RSPRY1: variants seen among roughly 807,000 people sequenced by gnomAD.
RSPRY1 encodes RING finger and SPRY domain-containing protein 1.
In RSPRY1, 23 loss-of-function variants were observed where a neutral mutation model predicts 73.1. That is an observed-to-expected ratio of 0.31 (90% confidence interval 0.23 to 0.45). The LOEUF (loss-of-function observed/expected upper bound fraction) is 0.45. RSPRY1 is among the 20% of genes least tolerant of loss of function. RSPRY1 has a pLI of 1.00. For missense variants in RSPRY1, 448 were observed against 698.7 expected (o/e 0.64, Z 4.05); for synonymous variants, 226 against 251.4 (o/e 0.90, Z 0.95).
At chr16:57,201,732 G>A (rs4330777) in intron 1 of RSPRY1, among the ~76,000 whole-genome samples, 68,439 of 151,848 alleles carry the variant, frequency 0.45, 15,537 homozygotes, top group Non-Finnish European at 0.48. Flanking sequence ...CAAGGCTGGC[G>A]GATCACTCGC....
Position 57,239,185 on chromosome 16 carries a change from C to A in RSPRY1, c.*210C>A. 1 of 308,782 alleles carries A rather than the reference C, an allele frequency of 3.2e-6. No homozygotes were observed. The highest frequency in any genetic ancestry group is 2.2e-5 in the African/African-American group (1 of 45,700). 19.1% of individuals were successfully genotyped at this position (308,782 alleles called of 1,614,324 possible). On this transcript the variant is annotated 3_prime_UTR_variant, in exon 15 of 15. Transcript: ENST00000394420. ...AGCCCTGAGAAAATCCCTTTTAAGG[C>A]CAAGGAAAGCTGAATGCTAGCAGCC...
rs1458573329 is a variant in RSPRY1, at chr16:57,216,084, TTTTATC to T, written c.703-19_703-14del. 1 of 1,558,686 alleles carries T rather than the reference TTTTATC, an allele frequency of 6.4e-7. No individual in the cohort carries two copies. The highest frequency in any genetic ancestry group is 8.7e-7 in the Non-Finnish European group (1 of 1,148,038). ...CAGGGGAATGATTTTTTTTTTTTTT[TTTTATC>T]TTTTGTTGTTTTTCAGAAGTTACAG... On this transcript the variant is annotated splice_polypyrimidine_tract_variant and intron_variant, in intron 6 of 14. Coordinates refer to ENST00000394420, the MANE Select transcript of RSPRY1 (RefSeq NM_133368.3).
At chr16:57,230,644 A>G in intron 11 of RSPRY1, 67 bp from the exon 12 acceptor site, 1 of 864,018 alleles carries the variant, frequency 1.2e-6, no homozygotes, top group Non-Finnish European at 1.9e-6. Context: ...GAAACACTTG[A>G]GATGCTTAGC....
chr16:57,205,596 A>G (rs529234288), intron 2 of RSPRY1, among the ~76,000 whole-genome samples: 1 of 152,364 alleles, frequency 6.6e-6, no homozygotes, highest in East Asian at 1.9e-4. Flanking sequence ...ATACAAAATC[A>G]TAGATTGAAT....
chr16:57,206,115 T>C (rs745830041), intron 2 of RSPRY1, among the ~76,000 whole-genome samples: 5 of 152,160 alleles, frequency 3.3e-5, no homozygotes, highest in African/African-American at 9.7e-5. Flanking sequence ...AGAAGAATAA[T>C]TTTTTGGCCA....
chr16:57,223,451 C>T (rs1423110570), intron 10 of RSPRY1, among the ~76,000 whole-genome samples: 1 of 152,188 alleles, frequency 6.6e-6, no homozygotes, highest in African/African-American at 2.4e-5. Context: ...GGAGGAGCAA[C>T]TCTCCAAGGG....
intron 1 of RSPRY1, among the ~76,000 whole-genome samples, chr16:57,202,030 A>T (rs1597871541): frequency 6.6e-6 from 1 of 152,120 alleles, no homozygotes; most frequent in Non-Finnish European, 1.5e-5. Flanking sequence ...ATTAAAGCTT[A>T]TCTCAGAGGG....
In RSPRY1 at chr16:57,220,814, C is replaced by T. The variant is rs762090806; in HGVS notation, c.984C>T (p.Ser328=). 4 of 1,613,340 alleles carry T rather than the reference C, an allele frequency of 2.5e-6. No individual in the cohort carries two copies. Among genetic ancestry groups the T allele is most frequent in the South Asian group, 2.2e-5 (2 of 91,058 alleles). ...CCATGCTGAATAGCAATGATGTCAG[C>T]GAGTACCTGAAGATCTCACCTCATG... ...IRAMLNSNDV[S]EYLKISPHGL... Residue 328 remains serine (S), a synonymous_variant, in exon 9 of 15, where the codon AGC becomes AGT. Transcript: ENST00000394420.
At chr16:57,232,126 C>T (rs750199476) in intron 13 of RSPRY1, among the ~76,000 whole-genome samples, 2 of 152,188 alleles carry the variant, frequency 1.3e-5, no homozygotes, top group African/African-American at 2.4e-5. Flanking sequence ...GAGAGTCTCT[C>T]TCAGCAGCCA....
chr16:57,227,963 C>G (rs2075144492), intron 11 of RSPRY1, among the ~76,000 whole-genome samples: 1 of 152,170 alleles, frequency 6.6e-6, no homozygotes, highest in South Asian at 2.1e-4. Flanking sequence ...GCATCCCTCT[C>G]TCATTTTGCT....
intron 1 of RSPRY1, among the ~76,000 whole-genome samples, chr16:57,194,816 TC>T (rs1280169310): frequency 1.3e-5 from 2 of 152,188 alleles, no homozygotes; most frequent in African/African-American, 4.8e-5. Context: ...AATCATTGAT[TC>T]CTGGACCATT....
At chr16:57,237,533 T>C (rs1212710493) in intron 14 of RSPRY1, among the ~76,000 whole-genome samples, 5 of 152,100 alleles carry the variant, frequency 3.3e-5, no homozygotes, top group African/African-American at 1.2e-4. Context: ...AGAAAGCATT[T>C]GTTAAAATTC....
At chr16:57,219,820 A>T (rs1381248572) in intron 8 of RSPRY1, 1 of 151,954 alleles carries the variant, frequency 6.6e-6, no homozygotes, top group East Asian at 1.9e-4. Context: ...ATCCATTTTT[A>T]TTTGATTTTT....
rs750672550 is a variant in RSPRY1, at chr16:57,220,830, T to G, written c.1000T>G (p.Ser334Ala). 6.2e-7 allele frequency: 1 copy of G among 1,611,828 alleles called. No homozygotes were observed. The highest frequency in any genetic ancestry group is 8.5e-7 in the Non-Finnish European group (1 of 1,177,882). Residue 334 changes from serine to alanine, a missense_variant, in exon 9 of 15, where the codon TCA becomes GCA. By Grantham distance (99) the Ser-to-Ala change is moderately conservative (BLOSUM62 1). Coordinates refer to ENST00000394420, the MANE Select transcript of RSPRY1 (RefSeq NM_133368.3). ...TGATGTCAGCGAGTACCTGAAGATC[T>G]CACCTCATGGCTTAGAGGTAGGTAA... ...SNDVSEYLKI[S>A]PHGLEARCDA...
intron 1 of RSPRY1, among the ~76,000 whole-genome samples, chr16:57,203,396 A>G (rs2074662534): frequency 6.6e-6 from 1 of 152,228 alleles, no homozygotes; most frequent in East Asian, 1.9e-4. Context: ...GTCAGTGCTC[A>G]AGGTATGAGG....
chr16:57,213,071 C>G lies in RSPRY1; in HGVS notation c.616C>G (p.Leu206Val). The change falls in exon 5 of 15, where the codon CTA becomes GTA. Residue 206 changes from leucine to valine, a missense_variant. Leu to Val is a conservative substitution (Grantham distance 32). Transcript: ENST00000394420. ...CAAACACAGGAACACATCTGCAGTC[C>G]TAGGCTGCTTGGCCGAGAAACTAGC... The part of the protein sequence containing the change: ...PAKHRNTSAV[L>V]GCLAEKLAGP... 1 of 1,613,616 alleles carries G rather than the reference C, an allele frequency of 6.2e-7. No homozygotes were observed. Among genetic ancestry groups the G allele is most frequent in the Non-Finnish European group, 8.5e-7 (1 of 1,179,730 alleles).
chr16:57,189,155 T>C (rs8047412), intron 1 of RSPRY1, among the ~76,000 whole-genome samples: 145,360 of 152,132 alleles, frequency 0.96, 69,478 homozygotes, highest in Middle Eastern at 0.99. Context: ...CACCCGTGCC[T>C]GGCTAATTTT....
chr16:57,214,905 T>G (rs1397349572), intron 6 of RSPRY1, among the ~76,000 whole-genome samples: 1 of 152,150 alleles, frequency 6.6e-6, no homozygotes. Context: ...GGCATGTGTG[T>G]GTAGTCCCAG....
rs1415398223 is a variant in RSPRY1, at chr16:57,204,722, A to G, written c.64A>G (p.Thr22Ala). The G allele has an allele frequency of 8.7e-6, 14 of 1,613,926 alleles. No individual in the cohort carries two copies. The highest frequency in any genetic ancestry group is 2.7e-5 in the African/African-American group (2 of 74,878). ...AAGCCTTGGCCAGGGTCTGTTGTTG[A>G]CTCTCGAAGAGCACATAGCCCACTT... ...SRSLGQGLLLTLEEHIAHFLG... is the reference protein window; with the variant it reads ...SRSLGQGLLLALEEHIAHFLG... Residue 22 changes from threonine to alanine, a missense_variant, in exon 2 of 15, where the codon ACT (threonine) becomes GCT (alanine). Transcript: ENST00000394420.
Sources: allele counts gnomAD v4.1 joint callset (sites outside exome capture counted in the v4.1 genomes callset), GRCh38; gene constraint gnomAD v4.1.1; transcripts MANE v1.5; gene names NCBI Gene and HGNC (gene_info 2026-07-23, HGNC 2026-07-21).